Variants in TRIP12 observed in about 807,000 individuals in gnomAD.
The protein encoded by TRIP12 is E3 ubiquitin-protein ligase TRIP12.
Under a neutral mutation model 244.2 loss-of-function variants are expected in TRIP12, and 25 were observed. That is an observed-to-expected ratio of 0.10 (90% CI 0.07 to 0.14). TRIP12 has a LOEUF of 0.14. Ranked by LOEUF, TRIP12 falls within the 10% of genes least tolerant of loss-of-function variation. The pLI, the probability that TRIP12 is intolerant of heterozygous loss-of-function variation, is 1.00. For missense variants in TRIP12, 1,677 were observed against 2,486.4 expected, an observed-to-expected ratio of 0.67 and a Z score of 6.92; for synonymous variants, 905 against 873.1, an observed-to-expected ratio of 1.04 and a Z score of -0.64.
intron 1 of TRIP12, among the ~76,000 whole-genome samples, chr2:229,908,382 T>C (rs1444691952): frequency 1.3e-5 from 2 of 152,232 alleles, no homozygotes; most frequent in African/African-American, 4.8e-5. Flanking sequence ...GTAGTATTTT[T>C]ACCATATTCT....
intron 2 of TRIP12, among the ~76,000 whole-genome samples, chr2:229,874,006 T>A (rs1220197746): frequency 6.6e-6 from 1 of 151,714 alleles, no homozygotes; most frequent in Non-Finnish European, 1.5e-5. Flanking sequence ...TTGGTAGACT[T>A]AATTATCTGA....
At position 229,859,093 on chromosome 2, in the gene TRIP12, T is replaced by A. The variant is rs1172009784; in HGVS notation, c.706A>T (p.Thr236Ser). 1.9e-6 allele frequency: 3 copies of A among 1,614,004 alleles called. No individual in the cohort carries two copies. The Admixed American group carries it at 5.0e-5, about 27-fold the overall frequency. Residue 236 changes from threonine (T) to serine (S), a missense_variant, in exon 4 of 42, where the codon ACT becomes TCT. Physicochemically the swap from Thr to Ser is moderately conservative, Grantham distance 58. Transcript: ENST00000675903. ...TSAKAGCSTI[T>S]DSSSAASTSS... is the part of the protein sequence containing the mutation. ...GTAGAGGCAGCAGAAGAAGAATCAG[T>A]GATGGTGCTACACCCAGCTTTGGCT...
chr2:229,910,153 T>C (rs1215017138), intron 1 of TRIP12, among the ~76,000 whole-genome samples: 1 of 152,200 alleles, frequency 6.6e-6, no homozygotes, highest in East Asian at 1.9e-4. Context: ...TTAAAATAAC[T>C]ATAGATAGAT....
At chr2:229,799,127 G>A (rs2043545014) in intron 22 of TRIP12, 78 bp from the exon 23 acceptor site, 3 of 1,554,480 alleles carry the variant, frequency 1.9e-6, no homozygotes, top group Non-Finnish European at 2.6e-6. Flanking sequence ...AAGATTCACA[G>A]TCTTAACAGA....
At chr2:229,828,891 C>T (rs2052513368) in intron 8 of TRIP12, among the ~76,000 whole-genome samples, 1 of 152,180 alleles carries the variant, frequency 6.6e-6, no homozygotes, top group Admixed American at 6.5e-5. Context: ...TTGACAAATA[C>T]ATCATTATGA....
chr2:229,900,006 T>C (rs1553763530), intron 1 of TRIP12, among the ~76,000 whole-genome samples: 4 of 152,242 alleles, frequency 2.6e-5, no homozygotes, highest in South Asian at 4.1e-4. Flanking sequence ...AGAAAGCCTA[T>C]GGAAGTTCTG....
rs534623903 is a variant in TRIP12 at position 229,902,418 on chromosome 2, T to G, written c.-50+19462A>C. Among the ~76,000 whole-genome samples, 4 of 152,278 alleles carry G rather than the reference T, an allele frequency of 2.6e-5. No individual in the cohort carries two copies. The South Asian group carries it at 8.3e-4, about 32-fold the overall frequency. On this transcript the variant is annotated intron_variant, in intron 1 of 41. Coordinates refer to ENST00000675903, the MANE Select transcript of TRIP12 (RefSeq NM_001348323.3). ...AAAAAAGAATTTTAACATTTCTTTCTCATATGAATAGGCAACAAACCACAG... is the reference window on the plus strand; with the variant it reads ...AAAAAAGAATTTTAACATTTCTTTCGCATATGAATAGGCAACAAACCACAG...
chr2:229,910,069 T>C (rs1170134278), intron 1 of TRIP12, among the ~76,000 whole-genome samples: 1 of 152,214 alleles, frequency 6.6e-6, no homozygotes, highest in Non-Finnish European at 1.5e-5. Context: ...ATTCTAATAC[T>C]AGCCCTTAAA....
intron 1 of TRIP12, among the ~76,000 whole-genome samples, chr2:229,917,677 T>C (rs2075754574): frequency 6.6e-6 from 1 of 152,068 alleles, no homozygotes; most frequent in Admixed American, 6.6e-5. Flanking sequence ...CCCTGATCAC[T>C]GAACCAACCA....
At chr2:229,768,223 C>G (rs567053377) in intron 41 of TRIP12, among the ~76,000 whole-genome samples, 90 of 152,292 alleles carry the variant, frequency 5.9e-4, no homozygotes, top group African/African-American at 2.1e-3. Flanking sequence ...GATCACGCCA[C>G]TGCACTTCAG....
chr2:229,795,389 C>A, intron 25 of TRIP12, 59 bp from the exon 26 acceptor site: 1 of 1,541,042 alleles, frequency 6.5e-7, no homozygotes, highest in South Asian at 1.2e-5. Context: ...AAAGTCTCCT[C>A]AAAGAGAAGA....
Position 229,767,348 on chromosome 2 carries a change from T to C in TRIP12, c.*206A>G, listed in dbSNP as rs1010302790. ...ACAAGAACTTGCTAAAGAAACCTCA[T>C]CACAACAACGTTTTAGGGCCTGATC... On this transcript the variant is annotated 3_prime_UTR_variant, in exon 42 of 42. Coordinates refer to ENST00000675903, the MANE Select transcript of TRIP12 (RefSeq NM_001348323.3). 4 of 442,022 alleles carry C rather than the reference T, an allele frequency of 9.0e-6. No homozygotes were observed. The highest frequency in any genetic ancestry group is 7.6e-6 in the Non-Finnish European group (2 of 264,204). 27.4% of individuals were successfully genotyped at this position (442,022 alleles called of 1,614,324 possible).
At chr2:229,785,373 T>TG (rs1275717063) in intron 34 of TRIP12, among the ~76,000 whole-genome samples, 1 of 152,240 alleles carries the variant, frequency 6.6e-6, no homozygotes, top group Non-Finnish European at 1.5e-5. Context: ...GACGTGAAAG[T>TG]GGTAACAAAT....
chr2:229,896,086 C>T (rs2068736659), intron 1 of TRIP12, among the ~76,000 whole-genome samples: 1 of 152,014 alleles, frequency 6.6e-6, no homozygotes. Flanking sequence ...TTTCCACCAG[C>T]AGAAAAGAAG....
intron 17 of TRIP12, among the ~76,000 whole-genome samples, chr2:229,806,615 T>TA (rs997185881): frequency 8.5e-5 from 13 of 152,138 alleles, no homozygotes; most frequent in Non-Finnish European, 1.3e-4. Flanking sequence ...GAAGACGACT[T>TA]AGAGTTAGAG....
intron 8 of TRIP12, among the ~76,000 whole-genome samples, chr2:229,827,992 G>A (rs954212556): frequency 1.3e-5 from 2 of 152,146 alleles, no homozygotes; most frequent in Non-Finnish European, 2.9e-5. Context: ...CTGTATATTA[G>A]CTAGATGATG....
intron 9 of TRIP12, among the ~76,000 whole-genome samples, chr2:229,817,719 G>C (rs2048855008): frequency 6.6e-6 from 1 of 152,034 alleles, no homozygotes. Context: ...TCAGCCTCCT[G>C]AGTAGCTGAG....
At chr2:229,815,379 C>G in intron 9 of TRIP12, 71 bp from the exon 10 acceptor site, 1 of 865,756 alleles carries the variant, frequency 1.2e-6, no homozygotes, top group South Asian at 1.7e-5. Flanking sequence ...TCTTCCTCTT[C>G]TATTTGAACT....
chr2:229,919,415 A>T (rs1323629245), intron 1 of TRIP12, among the ~76,000 whole-genome samples: 4 of 83,794 alleles, frequency 4.8e-5, no homozygotes, highest in East Asian at 6.6e-4. Flanking sequence ...ATTCTGCTTT[A>T]AAAAAAAAAA....
Sources: gnomAD v4.1 joint callset for allele counts (sites outside exome capture counted in the v4.1 genomes callset) on GRCh38, gnomAD v4.1.1 for gene constraint, MANE v1.5 for transcripts, NCBI Gene and HGNC (gene_info 2026-07-23, HGNC 2026-07-21) for gene names.